The following KALRN variants were observed in gnomAD, a reference collection of about 807,000 sequenced individuals.
KALRN encodes the protein kalirin.
Under a neutral mutation model 353.7 loss-of-function variants are expected in KALRN, and 70 were observed. That is an observed-to-expected ratio of 0.20 (90% CI 0.16 to 0.24). KALRN has a LOEUF of 0.24. KALRN is among the 10% of genes least tolerant of loss of function. The pLI is 1.00. For missense variants in KALRN, 2,791 were observed against 3,756.7 expected, an observed-to-expected ratio of 0.74 and a Z score of 6.72; for synonymous variants, 1,391 against 1,434.8, an observed-to-expected ratio of 0.97 and a Z score of 0.69.
intron 10 of KALRN, among the ~76,000 whole-genome samples, chr3:124,362,659 A>T (rs192491876): frequency 3.5e-4 from 53 of 152,384 alleles, no homozygotes; most frequent in African/African-American, 1.2e-3. Flanking sequence ...TGCACAATAT[A>T]TCTGAGCCTC....
At chr3:124,607,257 C>G (rs1463571310) in intron 34 of KALRN, among the ~76,000 whole-genome samples, 1 of 152,156 alleles carries the variant, frequency 6.6e-6, no homozygotes, top group African/African-American at 2.4e-5. Flanking sequence ...ATAGGAAGAT[C>G]TCCCATTTGT....
intron 37 of KALRN, among the ~76,000 whole-genome samples, chr3:124,639,740 T>C (rs2081815678): frequency 6.6e-6 from 1 of 152,236 alleles, no homozygotes; most frequent in African/African-American, 2.4e-5. Flanking sequence ...GTCCTTTCTG[T>C]GGTGAGTGTG....
rs1177600642 is a variant in KALRN at position 124,573,713 on chromosome 3, C to G, written c.5182+10624C>G. Among the ~76,000 whole-genome samples the G allele has an allele frequency of 2.0e-5, 3 of 152,092 alleles. No homozygotes were observed. The East Asian group carries it at 5.8e-4, about 29-fold the overall frequency. On this transcript the variant is annotated intron_variant, in intron 34 of 59. Transcript: ENST00000682506. ...CACAACCTCCTGTCTGCACTGGCTC[C>G]CTTCCCTCAGTCTCTATTCCTAACC... is the stretch of plus-strand genomic sequence containing the variant.
At chr3:124,687,973 T>C (rs750501905) in intron 51 of KALRN, among the ~76,000 whole-genome samples, 2 of 152,090 alleles carry the variant, frequency 1.3e-5, no homozygotes, top group Non-Finnish European at 2.9e-5. Flanking sequence ...TTATGTTGCA[T>C]TTACATTTTT....
chr3:124,460,549 A>C (rs1026370534), intron 23 of KALRN, among the ~76,000 whole-genome samples: 1 of 152,206 alleles, frequency 6.6e-6, no homozygotes, highest in Non-Finnish European at 1.5e-5. Flanking sequence ...TTTCATCGCA[A>C]TCTACAGCTC....
In KALRN at chr3:124,666,348, C is replaced by T. The variant is rs566938759; in HGVS notation, c.6346-101C>T. 1.7e-4 allele frequency: 184 copies of T among 1,059,554 alleles called. 1 individual carries two copies. The highest frequency in any genetic ancestry group is 1.2e-3 in the Middle Eastern group (4 of 3,328). 65.6% of individuals were successfully genotyped at this position (1,059,554 alleles called of 1,614,324 possible). On this transcript the variant is annotated intron_variant, in intron 45 of 59. Transcript: ENST00000682506. ...AGCCCTGAGGCTTTTGTTGTCAAAT[C>T]TGTTGCCCGTATCCCCAGATGGGGA...
intron 1 of KALRN, among the ~76,000 whole-genome samples, chr3:124,205,335 A>G (rs942470480): frequency 1.3e-5 from 2 of 152,218 alleles, no homozygotes; most frequent in African/African-American, 4.8e-5. Flanking sequence ...CCAGGTGTAG[A>G]TAACTGTTTT....
chr3:124,650,850 G>A lies in KALRN; in HGVS notation c.5707G>A (p.Ala1903Thr). Residue 1903 changes from alanine to threonine, a missense_variant, in exon 38 of 60, where the codon GCA becomes ACA. This residue lies in a region of KALRN where 1,065 missense variants were observed against 1,156.4 expected (regional missense o/e 0.92). Coordinates refer to ENST00000682506, the MANE Select transcript of KALRN (RefSeq NM_001388419.1). Reference protein sequence around the residue: ...SSYRGSLKDPAGCLNEGMAPP... With the variant: ...SSYRGSLKDPTGCLNEGMAPP... ...ATACCGGGGGAGCTTGAAAGACCCTGCAGGCTGCCTGAATGAGGGGATGGC... is the reference window on the plus strand; with the variant it reads ...ATACCGGGGGAGCTTGAAAGACCCTACAGGCTGCCTGAATGAGGGGATGGC... The A allele has an allele frequency of 1.9e-6, 3 of 1,614,056 alleles. No individual in the cohort carries two copies. The highest frequency in any genetic ancestry group is 2.5e-6 in the Non-Finnish European group (3 of 1,179,914).
At position 124,482,914 on chromosome 3, in the gene KALRN, C is replaced by G. The variant is rs1185867625; in HGVS notation, c.4284+14C>G. On this transcript the variant is annotated intron_variant, in intron 28 of 59. Transcript: ENST00000682506. ...CTGCTCCTGAAGGTACCTCCCCTCCCCTCTACATCCCCCTCCACTGCCTAC... is the reference window on the plus strand; with the variant it reads ...CTGCTCCTGAAGGTACCTCCCCTCCGCTCTACATCCCCCTCCACTGCCTAC... 2 of 1,528,020 alleles carry G rather than the reference C, an allele frequency of 1.3e-6. No individual in the cohort carries two copies. Among genetic ancestry groups the G allele is most frequent in the East Asian group, 2.2e-5 (1 of 44,462 alleles). 94.7% of individuals were successfully genotyped at this position (1,528,020 alleles called of 1,614,324 possible). A position where few individuals can be genotyped will look rare whatever the true frequency, so the allele number is the denominator to read the frequency against.
In KALRN at chr3:124,633,941, A is replaced by G. The variant is rs751432787; in HGVS notation, c.5556A>G (p.Thr1852=). The G allele has an allele frequency of 1.9e-6, 3 of 1,613,598 alleles. No individual in the cohort carries two copies. Among genetic ancestry groups the G allele is most frequent in the South Asian group, 1.1e-5 (1 of 91,054 alleles). ...TGAAGATTTTTGACAACGACCCTAC[A>G]CAGGATGAAATGGTAGAACTTCTTT... ...PPMKIFDNDP[T]QDEMSSSLLA... The change falls in exon 36 of 60, where the codon ACA becomes ACG. Residue 1852 remains threonine (T), a synonymous_variant. Transcript: ENST00000682506.
chr3:124,180,203 C>T lies in KALRN; in HGVS notation c.74-47787C>T, dbSNP rs145357028. Among the ~76,000 whole-genome samples the T allele has an allele frequency of 2.8e-3, 428 of 152,300 alleles. 1 individual carries two copies. Among genetic ancestry groups the T allele is most frequent in the South Asian group, 0.014 (67 of 4,818 alleles). ...CCACTGGGGCTATTTTGTTTCTCAC[C>T]TGCCAAAGGAGGCTGTAGCAACTTT... On this transcript the variant is annotated intron_variant, in intron 1 of 59. Transcript: ENST00000682506.
rs2093390470 is a variant in KALRN, at chr3:124,434,366, G to A, written c.2889G>A (p.Gln963=). 2 of 1,613,702 alleles carry A rather than the reference G, an allele frequency of 1.2e-6. No individual in the cohort carries two copies. Among genetic ancestry groups the A allele is most frequent in the South Asian group, 2.2e-5 (2 of 91,070 alleles). ...ACCAGAGTGCCCTGCAGGTACAGCA[G>A]AAAGCCGAGGTGCTGCTCCAGGCCG... ...KTHQSALQVQ[Q]KAEVLLQAGH... Residue 963 remains glutamine, a synonymous_variant, in exon 17 of 60, where the codon CAG becomes CAA. Transcript: ENST00000682506.
At chr3:124,219,680 C>A (rs2077685436) in intron 1 of KALRN, among the ~76,000 whole-genome samples, 1 of 152,158 alleles carries the variant, frequency 6.6e-6, no homozygotes, top group Non-Finnish European at 1.5e-5. Context: ...GCTGCACCAT[C>A]CCTCCTGCAC....
In KALRN at chr3:124,637,227, C is replaced by G. The variant is rs565356196; in HGVS notation, c.5588C>G (p.Ala1863Gly). The G allele has an allele frequency of 1.5e-5, 25 of 1,614,086 alleles. No individual in the cohort carries two copies. In the African/African-American group the frequency reaches 2.5e-4, roughly 16 times the overall value. Reference protein sequence around the residue: ...QDEMSSSLLAARQASTEVPTA... With the variant: ...QDEMSSSLLAGRQASTEVPTA... The stretch of plus-strand genomic sequence containing the variant: ...TTGCAGTCCTCCTCTTTGCTAGCAG[C>G]CCGGCAGGCTTCCACTGAAGTACCT... The change falls in exon 37 of 60, where the codon GCC becomes GGC. Residue 1863 changes from alanine (A) to glycine (G), a missense_variant. This residue lies in a region of KALRN where 1,065 missense variants were observed against 1,156.4 expected (regional missense o/e 0.92). Transcript: ENST00000682506.
At position 124,496,364 on chromosome 3, in the gene KALRN, C is replaced by A; in HGVS notation, c.4886C>A (p.Thr1629Asn). 6.2e-7 allele frequency: 1 copy of A among 1,613,492 alleles called. No individual in the cohort carries two copies. The highest frequency in any genetic ancestry group is 8.5e-7 in the Non-Finnish European group (1 of 1,179,788). Residue 1629 changes from threonine (T) to asparagine (N), a missense_variant, in exon 33 of 60, where the codon ACC becomes AAC. By Grantham distance (65) the Thr-to-Asn change is moderately conservative. Around this residue, in one of 11 missense-constraint regions of KALRN, gnomAD observed 239 missense variants for 351.3 expected, o/e 0.68. Transcript: ENST00000682506. The stretch of plus-strand genomic sequence containing the variant: ...GGGGATGGGAGCAGCCAACCAGACA[C>A]CATCTCCATTGCTTCTAGGACCTCT... Reference protein sequence around the residue: ...SQGDGSSQPDTISIASRTSQN... With the variant: ...SQGDGSSQPDNISIASRTSQN...
At chr3:124,290,512 G>T (rs1009524467) in intron 5 of KALRN, among the ~76,000 whole-genome samples, 5 of 152,134 alleles carry the variant, frequency 3.3e-5, no homozygotes, top group African/African-American at 1.2e-4. Context: ...ATGAAGAGAA[G>T]GAGAGACAGA....
chr3:124,195,659 A>T (rs907577048), intron 1 of KALRN, among the ~76,000 whole-genome samples: 1 of 152,188 alleles, frequency 6.6e-6, no homozygotes, highest in African/African-American at 2.4e-5. Context: ...AATTGGCTCC[A>T]CAAGAGCCTA....
At chr3:124,490,414 A>G (rs1304930732) in intron 29 of KALRN, among the ~76,000 whole-genome samples, 3 of 152,106 alleles carry the variant, frequency 2.0e-5, no homozygotes, top group Admixed American at 2.0e-4. Context: ...TGGGTGTGTG[A>G]AGGTGTGAGG....
At chr3:124,629,096 T>A (rs1035545187) in intron 34 of KALRN, among the ~76,000 whole-genome samples, 4 of 152,190 alleles carry the variant, frequency 2.6e-5, no homozygotes, top group Admixed American at 2.6e-4. Flanking sequence ...AATATCAGTA[T>A]GCAAACCGGC....
Sources: gnomAD v4.1 joint callset for allele counts (sites outside exome capture counted in the v4.1 genomes callset) on GRCh38, gnomAD v4.1.1 for gene constraint, gnomAD v4.1.1 regional missense constraint, MANE v1.5 for transcripts, NCBI Gene and HGNC (gene_info 2026-07-23, HGNC 2026-07-21) for gene names.